The following ABCB5 variants were observed in gnomAD, a reference collection of about 807,000 sequenced individuals.
ABCB5 encodes ATP binding cassette subfamily B member 5.
A neutral mutation model predicts 144.2 loss-of-function variants in ABCB5; 155 were observed. That is an observed-to-expected ratio of 1.08 (90% confidence interval 0.94 to 1.23). The LOEUF (loss-of-function observed/expected upper bound fraction) is 1.23, where lower values mean the gene tolerates loss of function less well. Ranked by LOEUF, ABCB5 falls within the 50% of genes most tolerant of loss-of-function variation. The pLI is 0.00. For missense variants in ABCB5, 1,830 were observed against 1,520.8 expected (o/e 1.20, Z -3.38); for synonymous variants, 610 against 528.6 (o/e 1.15, Z -2.11).
chr7:20,739,916 T>C (rs1782508184), intron 24 of ABCB5, among the ~76,000 whole-genome samples: 1 of 152,162 alleles, frequency 6.6e-6, no homozygotes, highest in Non-Finnish European at 1.5e-5. Context: ...GGGTGTATAA[T>C]TTCAAAATAA....
At chr7:20,748,055 G>A (rs1286717219) in intron 26 of ABCB5, among the ~76,000 whole-genome samples, 4 of 152,176 alleles carry the variant, frequency 2.6e-5, no homozygotes, top group Non-Finnish European at 5.9e-5. Flanking sequence ...TACAGATAAA[G>A]AAGTTCAATA....
chr7:20,637,320 T>A (rs1266294829), intron 5 of ABCB5, among the ~76,000 whole-genome samples: 1 of 152,182 alleles, frequency 6.6e-6, no homozygotes, highest in Non-Finnish European at 1.5e-5. Context: ...AATAGTTGAA[T>A]CTTTTCTTGC....
Position 20,685,546 on chromosome 7 carries a change from A to C in ABCB5, c.1870-150A>C. On this transcript the variant is annotated intron_variant, in intron 15 of 27. Coordinates refer to ENST00000404938, the MANE Select transcript of ABCB5 (RefSeq NM_001163941.2). ...TATGAGATAGACTTATCAGCTCTCT[A>C]TCAAGCCTGAAAGCTGTTCAGCAAG... 6.4e-6 allele frequency: 4 copies of C among 623,804 alleles called. No homozygotes were observed. In the South Asian group the frequency reaches 1.1e-4, roughly 17 times the overall value. 38.6% of individuals were successfully genotyped at this position (623,804 alleles called of 1,614,324 possible).
At chr7:20,626,726 T>A (rs958550684) in intron 3 of ABCB5, 115 bp downstream of exon 3, 1 of 787,986 alleles carries the variant, frequency 1.3e-6, no homozygotes, top group Non-Finnish European at 1.8e-6. Flanking sequence ...AAGAGGGAAC[T>A]AAAATAATTC....
At chr7:20,645,047 T>C (rs1293115376) in intron 7 of ABCB5, among the ~76,000 whole-genome samples, 1 of 152,188 alleles carries the variant, frequency 6.6e-6, no homozygotes, top group Non-Finnish European at 1.5e-5. Flanking sequence ...TAGTCTAAAT[T>C]CTATTATTGT....
intron 13 of ABCB5, 50 bp from the exon 14 acceptor site, chr7:20,658,456 T>G (rs374645526): frequency 6.3e-7 from 1 of 1,580,050 alleles, no homozygotes. Flanking sequence ...GTTCTAACCA[T>G]TTGATCACGC....
At position 20,643,343 on chromosome 7, in the gene ABCB5, T is replaced by G. The variant is rs1421709204; in HGVS notation, c.474T>G (p.Cys158Trp). 1 of 1,613,868 alleles carries G rather than the reference T, an allele frequency of 6.2e-7. No individual in the cohort carries two copies. Among genetic ancestry groups the G allele is most frequent in the Non-Finnish European group, 8.5e-7 (1 of 1,179,900 alleles). Residue 158 changes from cysteine to tryptophan, a missense_variant, in exon 6 of 28, where the codon TGT (cysteine) becomes TGG (tryptophan). Cys to Trp is a radical substitution (Grantham distance 215, BLOSUM62 -2). Coordinates refer to ENST00000404938, the MANE Select transcript of ABCB5 (RefSeq NM_001163941.2). ...AGGACATCGGCTGGTTTGATAGCTG[T>G]GACATCGGTGAACTTAACACTCGCA... ...LAQDIGWFDSCDIGELNTRMT... is the reference protein window; with the variant it reads ...LAQDIGWFDSWDIGELNTRMT...
At chr7:20,632,913 A>G (rs2128019588) in intron 5 of ABCB5, among the ~76,000 whole-genome samples, 1 of 151,788 alleles carries the variant, frequency 6.6e-6, no homozygotes, top group Non-Finnish European at 1.5e-5. Context: ...CTAATGCTAG[A>G]TGACGAGTTA....
At chr7:20,620,864 C>T (rs558197380) in intron 1 of ABCB5, among the ~76,000 whole-genome samples, 22 of 152,120 alleles carry the variant, frequency 1.4e-4, no homozygotes, top group Admixed American at 3.9e-4. Context: ...ATAGACTAAC[C>T]GCTTGATCCA....
chr7:20,680,428 C>G (rs867763788), intron 14 of ABCB5, among the ~76,000 whole-genome samples: 1 of 152,030 alleles, frequency 6.6e-6, no homozygotes, highest in African/African-American at 2.4e-5. Context: ...AAATAAATAG[C>G]CGGGCGTGGT....
intron 23 of ABCB5, among the ~76,000 whole-genome samples, chr7:20,734,901 G>A (rs1782335522): frequency 1.3e-5 from 2 of 152,196 alleles, no homozygotes; most frequent in Admixed American, 6.5e-5. Context: ...CACTATAAAT[G>A]TGTAGATTTA....
At chr7:20,725,404 C>A (rs970098511) in intron 21 of ABCB5, among the ~76,000 whole-genome samples, 10 of 152,148 alleles carry the variant, frequency 6.6e-5, no homozygotes, top group Admixed American at 1.3e-4. Flanking sequence ...CATGGTGAAA[C>A]CCTGTCTCTA....
chr7:20,754,899 C>G (rs539529874), intron 27 of ABCB5, among the ~76,000 whole-genome samples: 1 of 152,204 alleles, frequency 6.6e-6, no homozygotes, highest in East Asian at 1.9e-4. Context: ...TTTATTCATT[C>G]TCACAAATGC....
rs1409577708 is a variant in ABCB5, at chr7:20,681,006, CTTTCTTTCTTTCTT to C, written c.1708-497_1708-484del. Among the ~76,000 whole-genome samples, 77 of 8,196 alleles carry C rather than the reference CTTTCTTTCTTTCTT, an allele frequency of 9.4e-3. 1 individual carries two copies. The East Asian group carries it at 0.13, about 14-fold the overall frequency. The allele number at this position is 8,196 out of a possible 152,430, so 5.4% of individuals were successfully genotyped here. A position where few individuals can be genotyped will look rare whatever the true frequency, so the allele number is the denominator to read the frequency against. ...TCTTTCTTTCTTTCTTTCTTTCTTT[CTTTCTTTCTTTCTT>C]TCTTTCTTTCTTTCTCTTTCTTTCT... On this transcript the variant is annotated intron_variant, in intron 14 of 27. Transcript: ENST00000404938.
intron 23 of ABCB5, among the ~76,000 whole-genome samples, chr7:20,729,000 A>C (rs577805812): frequency 6.6e-6 from 1 of 152,306 alleles, no homozygotes; most frequent in South Asian, 2.1e-4. Context: ...ATATATTCAT[A>C]TGATGTTTAA....
intron 14 of ABCB5, among the ~76,000 whole-genome samples, chr7:20,661,580 G>A (rs2128031114): frequency 7.0e-6 from 1 of 141,878 alleles, no homozygotes. Flanking sequence ...CTGTCACCCA[G>A]GCTGGAGTGC....
At chr7:20,717,333 G>T (rs900932999) in intron 20 of ABCB5, among the ~76,000 whole-genome samples, 4 of 152,012 alleles carry the variant, frequency 2.6e-5, no homozygotes, top group African/African-American at 9.7e-5. Flanking sequence ...ATGTCCGCAC[G>T]ATTGGGTTTT....
intron 5 of ABCB5, chr7:20,641,660 T>C (rs1477397940): frequency 6.5e-6 from 1 of 153,148 alleles, no homozygotes; most frequent in African/African-American, 2.4e-5. Context: ...AGAGAACATC[T>C]TCATAGGCAA....
chr7:20,689,186 A>C lies in ABCB5; in HGVS notation c.2010+3350A>C, dbSNP rs147338796. On this transcript the variant is annotated intron_variant, in intron 16 of 27. Transcript: ENST00000404938. Reference sequence around the variant, plus strand: ...TAAAGAATACAGAAGTAGCAGATAAAAGTAGCACCCCACTACCGCTGGAGT... The same window carrying C: ...TAAAGAATACAGAAGTAGCAGATAACAGTAGCACCCCACTACCGCTGGAGT... Among the ~76,000 whole-genome samples, 172 of 152,286 alleles carry C rather than the reference A, an allele frequency of 1.1e-3. 1 individual carries two copies. The highest frequency in any genetic ancestry group is 3.7e-3 in the African/African-American group (153 of 41,558).
Sources: gnomAD v4.1 joint callset for allele counts (sites outside exome capture counted in the v4.1 genomes callset) on GRCh38, gnomAD v4.1.1 for gene constraint, MANE v1.5 for transcripts, NCBI Gene and HGNC (gene_info 2026-07-23, HGNC 2026-07-21) for gene names.